Variants in ZC3H12B observed in about 807,000 individuals in gnomAD.
The protein encoded by ZC3H12B is zinc finger CCCH-type containing 12B, also known as probable ribonuclease ZC3H12B.
Under a neutral mutation model 43.9 loss-of-function variants are expected in ZC3H12B, and 7 were observed. The observed-to-expected ratio is 0.16, with a 90% CI of 0.09 to 0.30. The LOEUF is 0.30. ZC3H12B is among the 10% of genes least tolerant of loss of function. The pLI is 1.00. For synonymous variants in ZC3H12B, 222 were observed against 241.7 expected (o/e 0.92, Z 0.76); for missense variants, 475 against 670.2 (o/e 0.71, Z 3.22).
the ZC3H12B span, among the ~76,000 whole-genome samples, chrX:65,145,264 G>A: frequency 9.9e-6 from 1 of 100,923 alleles, no homozygotes; most frequent in Non-Finnish European, 2.0e-5. Context: ...AACTGCTGTT[G>A]CTTTAAAGTT....
At chrX:65,173,556 G>T in the ZC3H12B span, among the ~76,000 whole-genome samples, 1 of 111,673 alleles carries the variant, frequency 9.0e-6, no homozygotes, top group Non-Finnish European at 1.9e-5. Flanking sequence ...TTGGCTATGG[G>T]TTTGTCATAA....
the ZC3H12B span, among the ~76,000 whole-genome samples, chrX:65,230,025 C>G: frequency 2.7e-5 from 3 of 111,232 alleles, no homozygotes; most frequent in Non-Finnish European, 5.7e-5. Context: ...CCCAGCCATC[C>G]CATTACTGGG....
At chrX:65,046,590 C>T in the ZC3H12B span, among the ~76,000 whole-genome samples, 10 of 112,135 alleles carry the variant, frequency 8.9e-5, no homozygotes, top group East Asian at 2.5e-3. Context: ...ACCGCTAAAA[C>T]TGTCTTAACA....
chrX:65,284,282 A>T, the ZC3H12B span, among the ~76,000 whole-genome samples: 4 of 109,656 alleles, frequency 3.6e-5, no homozygotes, highest in Admixed American at 3.9e-4. Flanking sequence ...AAAAGCAAGG[A>T]AATATGAAAC....
chrX:65,124,029 G>A, the ZC3H12B span, among the ~76,000 whole-genome samples: 1 of 110,876 alleles, frequency 9.0e-6, no homozygotes, highest in Non-Finnish European at 1.9e-5. Context: ...GTACTATGTT[G>A]AATAGAAGTG....
the ZC3H12B span, among the ~76,000 whole-genome samples, chrX:65,123,191 G>T: frequency 6.8e-5 from 6 of 88,419 alleles, no homozygotes; most frequent in Admixed American, 9.9e-5. Flanking sequence ...AAATCATGTG[G>T]TTTTTGTCTT....
At chrX:65,248,692 C>T in the ZC3H12B span, among the ~76,000 whole-genome samples, 1 of 111,877 alleles carries the variant, frequency 8.9e-6, no homozygotes, top group Non-Finnish European at 1.9e-5. Context: ...TTTACATTCT[C>T]ACCAACAGTG....
the ZC3H12B span, among the ~76,000 whole-genome samples, chrX:65,096,136 C>A: frequency 9.5e-6 from 1 of 105,332 alleles, no homozygotes. Flanking sequence ...AATAAACATA[C>A]ACGTGCATGT....
the ZC3H12B span, among the ~76,000 whole-genome samples, chrX:65,223,476 C>G: frequency 1.8e-5 from 2 of 112,241 alleles, no homozygotes; most frequent in African/African-American, 6.5e-5. Context: ...ATAGATGGGA[C>G]TTAATTAAAT....
At chrX:65,078,041 G>A in the ZC3H12B span, among the ~76,000 whole-genome samples, 1 of 112,013 alleles carries the variant, frequency 8.9e-6, no homozygotes, top group African/African-American at 3.3e-5. Context: ...TTTGGTGATG[G>A]ATTGCATTTT....
chrX:65,434,992 A>G (rs2067203650), intron 3 of ZC3H12B, among the ~76,000 whole-genome samples: 1 of 111,850 alleles, frequency 8.9e-6, no homozygotes, highest in Non-Finnish European at 1.9e-5. Context: ...CTTCTCACAC[A>G]TCTCCTTCCC....
At chrX:65,333,701 G>T in the ZC3H12B span, among the ~76,000 whole-genome samples, 14 of 111,272 alleles carry the variant, frequency 1.3e-4, no homozygotes, top group Admixed American at 3.8e-4. Context: ...TCAGAAACCT[G>T]CATTTAAAAA....
chrX:65,087,149 C>T, the ZC3H12B span, among the ~76,000 whole-genome samples: 1 of 110,815 alleles, frequency 9.0e-6, no homozygotes, highest in Non-Finnish European at 1.9e-5. Context: ...GCGTTTCCCT[C>T]ATCATGGATG....
At chrX:65,213,016 C>A in the ZC3H12B span, among the ~76,000 whole-genome samples, 5 of 107,816 alleles carry the variant, frequency 4.6e-5, no homozygotes, top group African/African-American at 1.3e-4. Flanking sequence ...GAATTTTTTT[C>A]ACTTCTTTAT....
the ZC3H12B span, among the ~76,000 whole-genome samples, chrX:65,183,849 G>C: frequency 9.0e-6 from 1 of 111,478 alleles, no homozygotes; most frequent in African/African-American, 3.3e-5. Context: ...TTATAGATAA[G>C]TTGGAAATTA....
At chrX:65,446,193 A>G (rs1277947931) in intron 3 of ZC3H12B, among the ~76,000 whole-genome samples, 1 of 111,501 alleles carries the variant, frequency 9.0e-6, no homozygotes, top group African/African-American at 3.3e-5. Flanking sequence ...TTGGTGCTTT[A>G]TTTTACTGGG....
At chrX:65,273,927 A>T in the ZC3H12B span, among the ~76,000 whole-genome samples, 1 of 112,450 alleles carries the variant, frequency 8.9e-6, no homozygotes, top group Non-Finnish European at 1.9e-5. Flanking sequence ...CATCTTCCTT[A>T]CCCAAGAAGG....
intron 2 of ZC3H12B, among the ~76,000 whole-genome samples, chrX:65,385,748 T>G (rs1042535681): frequency 2.7e-5 from 3 of 111,965 alleles, no homozygotes; most frequent in Non-Finnish European, 5.6e-5. Context: ...TGCTTCCAGT[T>G]TTTGCCTATT....
chrX:65,367,552 T>A (rs2066189803), intron 1 of ZC3H12B, among the ~76,000 whole-genome samples: 1 of 111,768 alleles, frequency 8.9e-6, no homozygotes, highest in Non-Finnish European at 1.9e-5. Context: ...AAATAAGATT[T>A]CCAGTTTCTT....
Sources: gnomAD v4.1 joint callset for allele counts (sites outside exome capture counted in the v4.1 genomes callset) on GRCh38, gnomAD v4.1.1 for gene constraint, MANE v1.5 for transcripts, NCBI Gene and HGNC (gene_info 2026-07-23, HGNC 2026-07-21) for gene names.